Variants in AZIN2 observed in about 807,000 individuals in gnomAD.
The protein encoded by AZIN2 is antizyme inhibitor 2.
Under a neutral mutation model 47.8 loss-of-function variants are expected in AZIN2, and 28 were observed. The ratio of observed to expected loss-of-function variants is 0.59; its 90% CI spans 0.43 to 0.80. AZIN2 has a LOEUF of 0.80. AZIN2 is among the 30% of genes least tolerant of loss of function. AZIN2 has a pLI of 0.00. For missense variants in AZIN2, 535 were observed against 582.5 expected, an observed-to-expected ratio of 0.92 and a Z score of 0.84; for synonymous variants, 221 against 239.4, an observed-to-expected ratio of 0.92 and a Z score of 0.71.
chr1:33,091,675 T>A (rs992958658), intron 5 of AZIN2, among the ~76,000 whole-genome samples: 3 of 152,252 alleles, frequency 2.0e-5, no homozygotes, highest in African/African-American at 7.2e-5. Context: ...TTTGTGTAAA[T>A]TAGAAAATGT....
At chr1:33,097,068 T>G (rs894547757) in intron 9 of AZIN2, 199 bp downstream of exon 9, 51 of 629,674 alleles carry the variant, frequency 8.1e-5, no homozygotes, top group African/African-American at 7.7e-4. Context: ...CTAGGCATGT[T>G]CATATTTTGT....
At chr1:33,093,152 A>AG in intron 6 of AZIN2, 130 bp from the exon 7 acceptor site, 1 of 1,191,092 alleles carries the variant, frequency 8.4e-7, no homozygotes, top group Non-Finnish European at 1.2e-6. Flanking sequence ...GTGTAGGGAG[A>AG]GGGAGGGGTC....
downstream of AZIN2, among the ~76,000 whole-genome samples, chr1:33,127,300 G>A (rs1306012482): frequency 6.6e-6 from 1 of 152,212 alleles, no homozygotes; most frequent in Non-Finnish European, 1.5e-5. Flanking sequence ...ACGGTCTTCC[G>A]GTAGCGTAAA....
At chr1:33,161,541 G>A in the AZIN2 span, among the ~76,000 whole-genome samples, 6 of 152,142 alleles carry the variant, frequency 3.9e-5, no homozygotes, top group African/African-American at 1.2e-4. This position sits in a 1 kb window ranked among gnomAD's most constrained non-coding sequence, Gnocchi z 4.3. Flanking sequence ...AACTGCTGGC[G>A]GTGGGCCAGC....
At chr1:33,123,802 G>A (rs1310893755), downstream of AZIN2, among the ~76,000 whole-genome samples, 1 of 152,202 alleles carries the variant, frequency 6.6e-6, no homozygotes, top group Admixed American at 6.5e-5. Flanking sequence ...TTTGAGACCA[G>A]CCTGGCCAAA....
At chr1:33,133,717 G>A in the AZIN2 span, among the ~76,000 whole-genome samples, 1 of 152,212 alleles carries the variant, frequency 6.6e-6, no homozygotes, top group South Asian at 2.1e-4. Flanking sequence ...AGGGCAGGCT[G>A]TGCTTCTGGC....
At chr1:33,133,771 G>A in the AZIN2 span, among the ~76,000 whole-genome samples, 4 of 152,358 alleles carry the variant, frequency 2.6e-5, no homozygotes, top group East Asian at 1.9e-4. Context: ...CCCACGACAC[G>A]GAGGAGGCAT....
chr1:33,147,239 C>T, the AZIN2 span: 1 of 1,613,990 alleles, frequency 6.2e-7, no homozygotes, highest in Non-Finnish European at 8.5e-7. The surrounding 1 kb of genome is among the most constrained non-coding windows in gnomAD (Gnocchi z 8.1). Flanking sequence ...TGGCTCTGGC[C>T]AGGGCTGAAG....
the AZIN2 span, among the ~76,000 whole-genome samples, chr1:33,156,016 C>T: frequency 6.9e-4 from 105 of 152,304 alleles, 1 homozygote; most frequent in African/African-American, 2.4e-3. Context: ...CACCACTGCC[C>T]CACTGGCTTT....
chr1:33,096,888 G>A lies in AZIN2; in HGVS notation c.916+19G>A. The A allele has an allele frequency of 6.2e-7, 1 of 1,614,022 alleles. No homozygotes were observed. Among genetic ancestry groups the A allele is most frequent in the Non-Finnish European group, 8.5e-7 (1 of 1,179,950 alleles). ...AGGGAGGGTAGGTGCCAGGTGGGCA[G>A]TGGAGCCCTGTTCTCCCCTGAAGCT... is the stretch of plus-strand genomic sequence containing the variant. On this transcript the variant is annotated intron_variant, in intron 9 of 11. Transcript: ENST00000294517.
chr1:33,154,248 A>G, the AZIN2 span, among the ~76,000 whole-genome samples: 1 of 150,830 alleles, frequency 6.6e-6, no homozygotes, highest in Non-Finnish European at 1.5e-5. Context: ...CTGGGAGGCA[A>G]AAGTGCATCC....
intron 10 of AZIN2, among the ~76,000 whole-genome samples, chr1:33,105,635 G>A (rs971464326): frequency 6.6e-6 from 1 of 152,068 alleles, no homozygotes; most frequent in Non-Finnish European, 1.5e-5. Context: ...TAGCATGGGC[G>A]AAACTGCCCG....
chr1:33,081,977 A>T lies in AZIN2; in HGVS notation c.-73+165A>T. On this transcript the variant is annotated intron_variant, in intron 3 of 11. Coordinates refer to ENST00000294517, the MANE Select transcript of AZIN2 (RefSeq NM_052998.4). The surrounding 1 kb of genome is among the most constrained non-coding windows in gnomAD (Gnocchi z 4.2). ...TTTACAGAGGGAGCAACTGACTCGGAGAGGCAGTGACATTTGGGCATACGG... is the reference window on the plus strand; with the variant it reads ...TTTACAGAGGGAGCAACTGACTCGGTGAGGCAGTGACATTTGGGCATACGG... 2.2e-6 allele frequency: 1 copy of T among 465,086 alleles called. No individual in the cohort carries two copies. Among genetic ancestry groups the T allele is most frequent in the Non-Finnish European group, 4.0e-6 (1 of 252,676 alleles). 28.8% of individuals were successfully genotyped at this position (465,086 alleles called of 1,614,324 possible).
chr1:33,106,827 T>C (rs140771154), intron 10 of AZIN2, among the ~76,000 whole-genome samples: 53 of 152,266 alleles, frequency 3.5e-4, no homozygotes, highest in Non-Finnish European at 6.8e-4. Flanking sequence ...ACAAGGATCC[T>C]AAGGTCAGGA....
the AZIN2 span, chr1:33,159,959 C>T: frequency 1.1e-5 from 17 of 1,595,358 alleles, no homozygotes; most frequent in East Asian, 4.5e-5. This position sits in a 1 kb window ranked among gnomAD's most constrained non-coding sequence, Gnocchi z 4.2. Flanking sequence ...GGGGGACAGT[C>T]GTCAGGGGTT....
In AZIN2 at chr1:33,113,906, T is replaced by C. The variant is rs1446101819; in HGVS notation, c.1030-3996T>C. 6.6e-6 allele frequency among the ~76,000 whole-genome samples: 1 copy of C among 152,224 alleles called. No homozygotes were observed. The highest frequency in any genetic ancestry group is 1.5e-5 in the Non-Finnish European group (1 of 68,032). ...GGGAAAATTAAACTTGAACTGTAGATCTATATTTTCCATGTTATGAAGCCA... is the reference window on the plus strand; with the variant it reads ...GGGAAAATTAAACTTGAACTGTAGACCTATATTTTCCATGTTATGAAGCCA... On this transcript the variant is annotated intron_variant, in intron 10 of 11. Coordinates refer to ENST00000294517, the MANE Select transcript of AZIN2 (RefSeq NM_052998.4). The surrounding 1 kb of genome is among the most constrained non-coding windows in gnomAD (Gnocchi z 4.1).
intron 10 of AZIN2, among the ~76,000 whole-genome samples, chr1:33,103,949 C>G (rs1475456944): frequency 1.3e-5 from 2 of 150,858 alleles, no homozygotes; most frequent in Non-Finnish European, 1.5e-5. Context: ...GTGCTACAGT[C>G]TTGGCTCACT....
chr1:33,084,496 C>A, intron 5 of AZIN2, among the ~76,000 whole-genome samples: 1 of 152,126 alleles, frequency 6.6e-6, no homozygotes, highest in East Asian at 1.9e-4. Context: ...TGTGGCGGTG[C>A]ATTTTCTTAA....
downstream of AZIN2, among the ~76,000 whole-genome samples, chr1:33,126,613 C>T (rs1644858197): frequency 6.6e-6 from 1 of 152,140 alleles, no homozygotes; most frequent in Non-Finnish European, 1.5e-5. Flanking sequence ...AGACCATTGA[C>T]TGGCATGAGC....
Sources: gnomAD v4.1 joint callset for allele counts (sites outside exome capture counted in the v4.1 genomes callset) on GRCh38, gnomAD v4.1.1 for gene constraint, Gnocchi (gnomAD v3.1) non-coding constraint, MANE v1.5 for transcripts, NCBI Gene and HGNC (gene_info 2026-07-23, HGNC 2026-07-21) for gene names.